The following SNTG2 variants were observed in gnomAD, a reference collection of about 807,000 sequenced individuals.
SNTG2 encodes the protein syntrophin gamma 2, also known as gamma-2-syntrophin.
In SNTG2, 74 loss-of-function variants were observed where a neutral mutation model predicts 70.9. That is an observed-to-expected ratio of 1.04 (90% CI 0.86 to 1.27). SNTG2 has a LOEUF of 1.27. Among genes scored for constraint, SNTG2 ranks in the 50% most tolerant of loss-of-function variants. The probability of loss-of-function intolerance (pLI) is 0.00; values close to 1 mark genes in which losing one functional copy is unlikely to be tolerated. For synonymous variants in SNTG2, 278 were observed against 273.8 expected (o/e 1.02, Z -0.15); for missense variants, 717 against 690.7 (o/e 1.04, Z -0.43).
intron 1 of SNTG2, among the ~76,000 whole-genome samples, chr2:1,060,767 G>C (rs1234723507): frequency 6.6e-6 from 1 of 152,212 alleles, no homozygotes; most frequent in Non-Finnish European, 1.5e-5. Flanking sequence ...CTTGTAGTTA[G>C]ATGCCAACTA....
chr2:1,139,141 G>C (rs1668586097), intron 6 of SNTG2, among the ~76,000 whole-genome samples: 1 of 152,224 alleles, frequency 6.6e-6, no homozygotes. Context: ...ACAATTGATA[G>C]AGAGGCAAGA....
At chr2:1,195,039 C>A (rs1246865684) in intron 8 of SNTG2, among the ~76,000 whole-genome samples, 2 of 152,144 alleles carry the variant, frequency 1.3e-5, no homozygotes, top group Admixed American at 6.6e-5. Context: ...CATCCATGTT[C>A]CAGCAAAAGA....
intron 14 of SNTG2, among the ~76,000 whole-genome samples, chr2:1,290,673 A>G (rs1679955282): frequency 6.6e-6 from 1 of 152,152 alleles, no homozygotes; most frequent in Non-Finnish European, 1.5e-5. Context: ...ACAAGACAGC[A>G]CTAGGAGGAT....
intron 1 of SNTG2, among the ~76,000 whole-genome samples, chr2:1,056,191 A>G (rs1341215432): frequency 2.2e-5 from 3 of 137,244 alleles, no homozygotes; most frequent in Non-Finnish European, 4.6e-5. Context: ...AAGGAGTTGA[A>G]TAAGTTAAGG....
At chr2:1,035,256 A>G (rs1189671581) in intron 1 of SNTG2, among the ~76,000 whole-genome samples, 1 of 152,140 alleles carries the variant, frequency 6.6e-6, no homozygotes, top group Non-Finnish European at 1.5e-5. Context: ...TCAATATTGT[A>G]TTTGCTGAGT....
At chr2:1,003,576 C>T (rs1425750654) in intron 1 of SNTG2, among the ~76,000 whole-genome samples, 1 of 152,176 alleles carries the variant, frequency 6.6e-6, no homozygotes, top group Non-Finnish European at 1.5e-5. Flanking sequence ...TTTCTGTACA[C>T]ATTTGGACAG....
intron 1 of SNTG2, among the ~76,000 whole-genome samples, chr2:1,058,687 T>C (rs190193470): frequency 2.0e-5 from 3 of 152,328 alleles, no homozygotes; most frequent in Admixed American, 1.3e-4. Flanking sequence ...GCATCATCCT[T>C]GGCTAGAGGG....
chr2:1,031,528 A>ATATATATTTTTTTTTTTT, intron 1 of SNTG2, among the ~76,000 whole-genome samples: 1 of 59,142 alleles, frequency 1.7e-5, no homozygotes. Flanking sequence ...ATATATATAT[A>ATATATATTTTTTTTTTTT]TTTTTTTTTT....
At chr2:1,025,003 C>T (rs1372096823) in intron 1 of SNTG2, among the ~76,000 whole-genome samples, 4 of 152,190 alleles carry the variant, frequency 2.6e-5, no homozygotes, top group Admixed American at 6.5e-5. Flanking sequence ...ATACACTCTA[C>T]GTGGATTAGA....
At chr2:1,308,932 G>T (rs2148248896) in intron 15 of SNTG2, among the ~76,000 whole-genome samples, 1 of 152,298 alleles carries the variant, frequency 6.6e-6, no homozygotes, top group East Asian at 1.9e-4. Context: ...TGGTAGCGGT[G>T]AACAGTGCCT....
chr2:1,076,494 C>T (rs1663924099), intron 1 of SNTG2, among the ~76,000 whole-genome samples: 1 of 152,184 alleles, frequency 6.6e-6, no homozygotes, highest in African/African-American at 2.4e-5. Flanking sequence ...TTTTGTCACA[C>T]TTTGAATCTA....
intron 16 of SNTG2, among the ~76,000 whole-genome samples, chr2:1,339,004 G>T (rs912032019): frequency 6.6e-6 from 1 of 152,102 alleles, no homozygotes; most frequent in African/African-American, 2.4e-5. Flanking sequence ...CAATTTCTCC[G>T]CATCCTCATC....
chr2:1,008,529 T>C (rs1211141554), intron 1 of SNTG2, among the ~76,000 whole-genome samples: 3 of 152,186 alleles, frequency 2.0e-5, no homozygotes, highest in African/African-American at 7.2e-5. Flanking sequence ...AAAAACAAAG[T>C]GTACTGCATT....
At chr2:1,017,368 C>T (rs1380233032) in intron 1 of SNTG2, among the ~76,000 whole-genome samples, 1 of 152,194 alleles carries the variant, frequency 6.6e-6, no homozygotes, top group African/African-American at 2.4e-5. Context: ...TACACACATG[C>T]AGACACACGT....
chr2:1,173,074 T>C lies in SNTG2; in HGVS notation c.500-18T>C. On this transcript the variant is annotated intron_variant, in intron 7 of 16. Coordinates refer to ENST00000308624, the MANE Select transcript of SNTG2 (RefSeq NM_018968.4). The stretch of plus-strand genomic sequence containing the variant: ...TCAGTGGCACCAATTGGAAGGGACT[T>C]CTCTTGTTTTGCTGCAGGGTCCCCA... The C allele has an allele frequency of 1.2e-6, 2 of 1,611,780 alleles. No individual in the cohort carries two copies. The highest frequency in any genetic ancestry group is 1.1e-5 in the South Asian group (1 of 90,932).
chr2:1,291,164 T>A (rs1679974903), intron 14 of SNTG2, among the ~76,000 whole-genome samples: 1 of 152,200 alleles, frequency 6.6e-6, no homozygotes, highest in Non-Finnish European at 1.5e-5. Flanking sequence ...TGGAGTAATG[T>A]CTATTCAGGT....
intron 15 of SNTG2, among the ~76,000 whole-genome samples, chr2:1,315,167 T>G (rs530472535): frequency 6.6e-6 from 1 of 152,328 alleles, no homozygotes; most frequent in Non-Finnish European, 1.5e-5. Flanking sequence ...ACAGAGAAAC[T>G]ATTCCCTAAG....
At chr2:1,148,118 C>A (rs1669218555) in intron 6 of SNTG2, among the ~76,000 whole-genome samples, 1 of 152,172 alleles carries the variant, frequency 6.6e-6, no homozygotes, top group Admixed American at 6.5e-5. Context: ...GAAAATCAAT[C>A]CCAGGAGCTG....
chr2:962,494 C>T (rs1660385559), intron 1 of SNTG2, among the ~76,000 whole-genome samples: 1 of 152,206 alleles, frequency 6.6e-6, no homozygotes, highest in African/African-American at 2.4e-5. Context: ...GTGTCCTTCG[C>T]TGTATCCAGT....
Sources: allele counts gnomAD v4.1 joint callset (sites outside exome capture counted in the v4.1 genomes callset), GRCh38; gene constraint gnomAD v4.1.1; transcripts MANE v1.5; gene names NCBI Gene and HGNC (gene_info 2026-07-23, HGNC 2026-07-21).